The following ASH1L variants were observed in gnomAD, a reference collection of about 807,000 sequenced individuals.
The protein encoded by ASH1L is histone-lysine N-methyltransferase ASH1L.
Under a neutral mutation model 269.0 loss-of-function variants are expected in ASH1L, and 23 were observed. That is an observed-to-expected ratio of 0.09 (90% CI 0.06 to 0.12). The LOEUF (loss-of-function observed/expected upper bound fraction) is 0.12, where lower values mean the gene tolerates loss of function less well. Among genes scored for constraint, ASH1L ranks in the 10% least tolerant of loss-of-function variants. ASH1L has a pLI of 1.00. For missense variants in ASH1L, 2,912 were observed against 3,567.8 expected, an observed-to-expected ratio of 0.82 and a Z score of 4.68; for synonymous variants, 1,187 against 1,253.5, an observed-to-expected ratio of 0.95 and a Z score of 1.12.
At position 155,415,777 on chromosome 1, in the gene ASH1L, G is replaced by A. The variant is rs763810930; in HGVS notation, c.5975C>T (p.Ala1992Val). ...TTTGTAAACGTCAGAATACAGCCCT[G>A]CTTTCTGATACTTCTTCTTTGGGGG... ...PRPPKKKYQK[A>V]GLYSDVYKTT... Residue 1992 changes from alanine to valine, a missense_variant, in exon 6 of 28, where the codon GCA becomes GTA. Physicochemically the swap from Ala to Val is moderately conservative, Grantham distance 64. Transcript: ENST00000392403. The A allele has an allele frequency of 6.2e-7, 1 of 1,613,988 alleles. No individual in the cohort carries two copies. Among genetic ancestry groups the A allele is most frequent in the Non-Finnish European group, 8.5e-7 (1 of 1,179,990 alleles).
chr1:155,470,470 CAAAAAAA>C, intron 3 of ASH1L, among the ~76,000 whole-genome samples: 1 of 142,898 alleles, frequency 7.0e-6, no homozygotes, highest in Admixed American at 6.9e-5. Context: ...AAACAAAAAA[CAAAAAAA>C]AACAAAAAAA....
intron 1 of ASH1L, among the ~76,000 whole-genome samples, chr1:155,539,449 A>ATATG (rs1670274751): frequency 1.0e-5 from 1 of 99,926 alleles, no homozygotes; most frequent in Admixed American, 1.1e-4. Context: ...TTTTATATAT[A>ATATG]TATATATATT....
intron 4 of ASH1L, among the ~76,000 whole-genome samples, chr1:155,457,811 CTTTT>C (rs1036530054): frequency 1.3e-5 from 2 of 152,118 alleles, no homozygotes; most frequent in Non-Finnish European, 2.9e-5. Context: ...GATATTCTTT[CTTTT>C]GTTTACAAAA....
chr1:155,397,842 T>C (rs1658496086), intron 6 of ASH1L, among the ~76,000 whole-genome samples: 1 of 152,172 alleles, frequency 6.6e-6, no homozygotes, highest in South Asian at 2.1e-4. Flanking sequence ...ATTACAGGCG[T>C]GAGCCACGGC....
rs371347477 is a variant in ASH1L, at chr1:155,357,653, T to A, written c.6892A>T (p.Met2298Leu). The A allele has an allele frequency of 6.2e-7, 1 of 1,614,202 alleles. No homozygotes were observed. Among genetic ancestry groups the A allele is most frequent in the Non-Finnish European group, 8.5e-7 (1 of 1,180,028 alleles). Reference protein sequence around the residue: ...GLTSSKNSQPMATHKKSGRSK... With the variant: ...GLTSSKNSQPLATHKKSGRSK... ...CGTCCAGATTTTTTGTGTGTGGCCA[T>A]GGGCTGGCTGTTTTTGCTGCTGGTG... The change falls in exon 14 of 28, where the codon ATG becomes TTG. Residue 2298 changes from methionine (M) to leucine (L), a missense_variant. This residue lies in a region of ASH1L where 309 missense variants were observed against 435.1 expected (regional missense o/e 0.71). Transcript: ENST00000392403.
At chr1:155,387,933 C>T (rs552926931) in intron 7 of ASH1L, among the ~76,000 whole-genome samples, 9 of 152,164 alleles carry the variant, frequency 5.9e-5, no homozygotes, top group African/African-American at 2.2e-4. Flanking sequence ...TGGCTCTTGG[C>T]TTAACTGTTA....
intron 5 of ASH1L, among the ~76,000 whole-genome samples, chr1:155,427,344 G>A (rs1661234628): frequency 6.6e-6 from 1 of 150,928 alleles, no homozygotes; most frequent in African/African-American, 2.4e-5. Flanking sequence ...TCCCGCTCTT[G>A]TTGCCCAGGC....
intron 6 of ASH1L, among the ~76,000 whole-genome samples, chr1:155,397,753 G>T (rs1190690882): frequency 6.6e-6 from 1 of 151,930 alleles, no homozygotes; most frequent in Non-Finnish European, 1.5e-5. Flanking sequence ...GTAGAGACAG[G>T]GTTTTATCAC....
intron 1 of ASH1L, among the ~76,000 whole-genome samples, chr1:155,559,348 C>T (rs1446810160): frequency 6.6e-6 from 1 of 151,818 alleles, no homozygotes; most frequent in Non-Finnish European, 1.5e-5. Context: ...CCAGCCTGAC[C>T]AACATGGAGA....
chr1:155,367,070 T>C (rs1655497590), intron 12 of ASH1L, among the ~76,000 whole-genome samples: 1 of 143,170 alleles, frequency 7.0e-6, no homozygotes, highest in Admixed American at 7.2e-5. Flanking sequence ...CTCAGTTCAC[T>C]ACAACCTCCG....
chr1:155,562,443 G>GGCA lies in ASH1L; in HGVS notation c.-393_-391dup, dbSNP rs1182467771. 42 of 1,450,586 alleles carry GGCA rather than the reference G, an allele frequency of 2.9e-5. No homozygotes were observed. Among genetic ancestry groups the GGCA allele is most frequent in the South Asian group, 4.9e-5 (4 of 82,264 alleles). 89.9% of individuals were successfully genotyped at this position (1,450,586 alleles called of 1,614,324 possible). ...CGGCGGGAGCGGCGGCGGCGGCGGC[G>GGCA]GCAGCAGCAGAGTGGCGGCGGTGGC... On this transcript the variant is annotated 5_prime_UTR_variant, in exon 1 of 28. Coordinates refer to ENST00000392403, the MANE Select transcript of ASH1L (RefSeq NM_018489.3).
At chr1:155,470,498 A>G (rs148080691) in intron 3 of ASH1L, among the ~76,000 whole-genome samples, 700 of 152,030 alleles carry the variant, frequency 4.6e-3, no homozygotes, top group Non-Finnish European at 6.9e-3. Context: ...AAAACTGTCA[A>G]TAACTATTCA....
At chr1:155,508,674 TATA>T (rs1366081886) in intron 2 of ASH1L, among the ~76,000 whole-genome samples, 1 of 152,140 alleles carries the variant, frequency 6.6e-6, no homozygotes, top group Non-Finnish European at 1.5e-5. Context: ...CATTATTTCT[TATA>T]AAACAATCAG....
At chr1:155,359,478 T>C (rs1454502899) in intron 13 of ASH1L, among the ~76,000 whole-genome samples, 4 of 152,124 alleles carry the variant, frequency 2.6e-5, no homozygotes, top group Non-Finnish European at 5.9e-5. Context: ...GGTTTCACTA[T>C]ATTGGTCAGG....
chr1:155,425,177 A>G (rs908438040), intron 5 of ASH1L, among the ~76,000 whole-genome samples: 1 of 152,000 alleles, frequency 6.6e-6, no homozygotes, highest in African/African-American at 2.4e-5. Context: ...CATGTTGGTC[A>G]GGCTGGTCTC....
chr1:155,443,149 G>A (rs1571228539), intron 4 of ASH1L, among the ~76,000 whole-genome samples: 2 of 151,984 alleles, frequency 1.3e-5, no homozygotes, highest in East Asian at 1.9e-4. Context: ...ATGAATCCTG[G>A]GATCAAAATC....
intron 1 of ASH1L, among the ~76,000 whole-genome samples, chr1:155,523,478 C>T (rs1216384241): frequency 1.3e-5 from 2 of 152,164 alleles, no homozygotes; most frequent in African/African-American, 4.8e-5. Flanking sequence ...GGCAACAGGG[C>T]AAGACCCTGT....
intron 8 of ASH1L, among the ~76,000 whole-genome samples, chr1:155,379,600 G>A (rs1407917762): frequency 6.6e-6 from 1 of 152,166 alleles, no homozygotes; most frequent in East Asian, 1.9e-4. Flanking sequence ...GTGCAAGAGT[G>A]TTAAACATTT....
rs147445260 is a variant in ASH1L at position 155,407,126 on chromosome 1, G to C, written c.6008+8618C>G. 6.2e-4 allele frequency among the ~76,000 whole-genome samples: 95 copies of C among 152,238 alleles called. 2 individuals carry two copies. The East Asian group carries it at 0.016, about 26-fold the overall frequency. On this transcript the variant is annotated intron_variant, in intron 6 of 27. Transcript: ENST00000392403. ...TGGTCCCAGCTACTCGGGAGGTTCG[G>C]GCAGGAGAATTGCTTGAACCCGGGA...
Sources: allele counts gnomAD v4.1 joint callset (sites outside exome capture counted in the v4.1 genomes callset), GRCh38; gene constraint gnomAD v4.1.1; regional missense constraint gnomAD v4.1.1; transcripts MANE v1.5; gene names NCBI Gene and HGNC (gene_info 2026-07-23, HGNC 2026-07-21).